The following HECTD4 variants were observed in gnomAD, a reference collection of about 807,000 sequenced individuals.
HECTD4 encodes HECT domain E3 ubiquitin protein ligase 4, also known as probable E3 ubiquitin-protein ligase HECTD4.
In HECTD4, 114 loss-of-function variants were observed where a neutral mutation model predicts 471.5. The observed-to-expected ratio is 0.24, with a 90% CI of 0.21 to 0.28. The LOEUF (loss-of-function observed/expected upper bound fraction) is 0.28. Ranked by LOEUF, HECTD4 falls within the 10% of genes least tolerant of loss-of-function variation. The pLI, the probability that HECTD4 is intolerant of heterozygous loss-of-function variation, is 1.00. For missense variants in HECTD4, 3,866 were observed against 5,651.5 expected, an observed-to-expected ratio of 0.68 and a Z score of 10.13; for synonymous variants, 2,012 against 2,256.0, an observed-to-expected ratio of 0.89 and a Z score of 3.07.
chr12:112,163,523 C>T lies in HECTD4; in HGVS notation c.12897+19G>A, dbSNP rs2030789416. On this transcript the variant is annotated intron_variant, in intron 74 of 75. Coordinates refer to ENST00000682272, the MANE Select transcript of HECTD4 (RefSeq NM_001388303.1). This position sits in a 1 kb window ranked among gnomAD's most constrained non-coding sequence, Gnocchi z 8.2. ...GGGGCTCACCACCTCCCCGCCCAGC[C>T]TGGCCCTGGGATGTCTACCTTGAGG... is the stretch of plus-strand genomic sequence containing the variant. 34 of 1,451,438 alleles carry T rather than the reference C, an allele frequency of 2.3e-5. No individual in the cohort carries two copies. The highest frequency in any genetic ancestry group is 3.1e-5 in the Non-Finnish European group (34 of 1,098,504). The allele number at this position is 1,451,438 out of a possible 1,614,324, so 89.9% of individuals were successfully genotyped here.
At chr12:112,267,523 G>C (rs578200430) in intron 13 of HECTD4, 1 of 154,076 alleles carries the variant, frequency 6.5e-6, no homozygotes, top group African/African-American at 2.4e-5. Flanking sequence ...TCACTGTCAC[G>C]ATCCAGTCCA....
At chr12:112,236,195 CA>C (rs2033499325) in intron 35 of HECTD4, among the ~76,000 whole-genome samples, 1 of 152,160 alleles carries the variant, frequency 6.6e-6, no homozygotes, top group African/African-American at 2.4e-5. Flanking sequence ...CCATGAGTTA[CA>C]GAAGCTTATC....
At chr12:112,224,421 C>T (rs902951192) in intron 44 of HECTD4, among the ~76,000 whole-genome samples, 1 of 152,032 alleles carries the variant, frequency 6.6e-6, no homozygotes, top group African/African-American at 2.4e-5. Context: ...TGCCCGCCAC[C>T]ACGCCTGGCT....
intron 55 of HECTD4, among the ~76,000 whole-genome samples, chr12:112,196,117 G>A (rs1374381787): frequency 6.6e-6 from 1 of 152,214 alleles, no homozygotes; most frequent in African/African-American, 2.4e-5. Flanking sequence ...TCCAGCCTGG[G>A]TGACAGAGCA....
At position 112,212,579 on chromosome 12, in the gene HECTD4, G is replaced by T. The variant is rs117505183; in HGVS notation, c.7537C>A (p.Arg2513=). 9.6e-4 allele frequency: 1,554 copies of T among 1,613,750 alleles called. 27 individuals are homozygous for T. The East Asian group carries it at 0.03, about 31-fold the overall frequency. Residue 2513 remains arginine (R), a synonymous_variant, in exon 49 of 76, where the codon CGG becomes AGG. Coordinates refer to ENST00000682272, the MANE Select transcript of HECTD4 (RefSeq NM_001388303.1). ...TGCCCGCAGTATGTGAAGTACACCC[G>T]GCCCTTGGCTGGCTGTCCCGGAGGA... ...PPPPGQPAKG[R]VYFTYCGQRL...
In HECTD4 at chr12:112,295,134, G is replaced by A. The variant is rs1289063831; in HGVS notation, c.1335+10930C>T. Among the ~76,000 whole-genome samples, 4 of 121,548 alleles carry A rather than the reference G, an allele frequency of 3.3e-5. No individual in the cohort carries two copies. In the South Asian group the frequency reaches 1.2e-3, roughly 37 times the overall value. The allele number at this position is 121,548 out of a possible 152,430, so 79.7% of individuals were successfully genotyped here. On this transcript the variant is annotated intron_variant, in intron 7 of 75. Transcript: ENST00000682272. Reference sequence around the variant, plus strand: ...AGCCGAGGCAACATAGCGAAATCCCGTCTGAAAAAAAAAAAGAGAGAGAAA... The same window carrying A: ...AGCCGAGGCAACATAGCGAAATCCCATCTGAAAAAAAAAAAGAGAGAGAAA...
chr12:112,233,214 CTTTTTTTTT>C (rs546999938), intron 37 of HECTD4, 129 bp from the exon 38 acceptor site: 14 of 235,704 alleles, frequency 5.9e-5, no homozygotes, highest in South Asian at 1.4e-4. Flanking sequence ...CTAACATTAG[CTTTTTTTTT>C]TTTTTTTTTT....
chr12:112,381,913 G>A lies in HECTD4; in HGVS notation c.177+39C>T. ...CGACCCGGGGGTGCCGGGCGAGTGG[G>A]TCAGTCCGATGGCGGGGGCCGGGGG... On this transcript the variant is annotated intron_variant, in intron 1 of 75. Coordinates refer to ENST00000682272, the MANE Select transcript of HECTD4 (RefSeq NM_001388303.1). This position sits in a 1 kb window ranked among gnomAD's most constrained non-coding sequence, Gnocchi z 4.1. 8.2e-7 allele frequency: 1 copy of A among 1,213,412 alleles called. No individual in the cohort carries two copies. The highest frequency in any genetic ancestry group is 1.0e-6 in the Non-Finnish European group (1 of 974,168). The allele number at this position is 1,213,412 out of a possible 1,614,324, so 75.2% of individuals were successfully genotyped here.
chr12:112,351,441 T>C (rs1025182085), intron 1 of HECTD4, among the ~76,000 whole-genome samples: 6 of 152,210 alleles, frequency 3.9e-5, no homozygotes, highest in African/African-American at 1.4e-4. Flanking sequence ...CATAACAGCA[T>C]GGAGATCTTC....
At chr12:112,266,114 T>C in intron 14 of HECTD4, 131 bp from the exon 15 acceptor site, 1 of 625,232 alleles carries the variant, frequency 1.6e-6, no homozygotes, top group Non-Finnish European at 2.8e-6. Flanking sequence ...CTTATACAAA[T>C]AAGAGTGGCA....
chr12:112,380,493 T>C (rs1465887300), intron 1 of HECTD4, among the ~76,000 whole-genome samples: 2 of 152,096 alleles, frequency 1.3e-5, no homozygotes, highest in Non-Finnish European at 2.9e-5. Context: ...ACTTTCCACC[T>C]TTCACACACA....
chr12:112,382,063 C>A lies in HECTD4; in HGVS notation c.66G>T (p.Ser22=). 8.2e-7 allele frequency: 1 copy of A among 1,226,556 alleles called. No individual in the cohort carries two copies. The allele number at this position is 1,226,556 out of a possible 1,614,324, so 76.0% of individuals were successfully genotyped here. A position where few individuals can be genotyped will look rare whatever the true frequency, so the allele number is the denominator to read the frequency against. ...GCAGGAAGATGGTCTCTTCCTTCAC[C>A]GAGAGCCACTGCGCCGAGTCAGCGG... ...AAAADSAQWL[S]VKEETIFLHD... The change falls in exon 1 of 76, where the codon TCG becomes TCT. Residue 22 remains serine, a synonymous_variant. Transcript: ENST00000682272.
At chr12:112,222,436 G>C (rs1056470746) in intron 44 of HECTD4, among the ~76,000 whole-genome samples, 1 of 152,196 alleles carries the variant, frequency 6.6e-6, no homozygotes, top group Non-Finnish European at 1.5e-5. Context: ...GGAGGTTGAA[G>C]TGGGCGGATC....
chr12:112,178,809 A>G (rs1440231479), intron 64 of HECTD4, 122 bp downstream of exon 64: 1 of 1,159,642 alleles, frequency 8.6e-7, no homozygotes, highest in Non-Finnish European at 1.2e-6. Context: ...GCGACAAAGC[A>G]TGACAAAAAA....
At chr12:112,275,842 T>C (rs749308892) in intron 9 of HECTD4, among the ~76,000 whole-genome samples, 7 of 152,176 alleles carry the variant, frequency 4.6e-5, no homozygotes, top group African/African-American at 1.7e-4. Context: ...CAGTGGAAAA[T>C]AGACCTCCAA....
At chr12:112,214,667 G>A (rs1442904231) in intron 48 of HECTD4, among the ~76,000 whole-genome samples, 2 of 152,134 alleles carry the variant, frequency 1.3e-5, no homozygotes, top group Non-Finnish European at 2.9e-5. Context: ...ACAGCAACAA[G>A]GAAATAAAAA....
intron 10 of HECTD4, among the ~76,000 whole-genome samples, chr12:112,274,579 C>T (rs1266261601): frequency 6.6e-6 from 1 of 152,074 alleles, no homozygotes; most frequent in Non-Finnish European, 1.5e-5. Flanking sequence ...TGGTGGTGTG[C>T]TCCTGTAGTC....
At chr12:112,253,756 G>A (rs1261090041) in intron 22 of HECTD4, among the ~76,000 whole-genome samples, 2 of 152,192 alleles carry the variant, frequency 1.3e-5, no homozygotes, top group Non-Finnish European at 2.9e-5. Flanking sequence ...GGAGAACTAA[G>A]CTGGAAGATC....
intron 1 of HECTD4, among the ~76,000 whole-genome samples, chr12:112,324,082 C>CT (rs1198055808): frequency 2.7e-5 from 2 of 73,034 alleles, no homozygotes; most frequent in Admixed American, 1.8e-4. Flanking sequence ...TTCTTTCTTT[C>CT]TTTCTTTCTT....
Sources: allele counts gnomAD v4.1 joint callset (sites outside exome capture counted in the v4.1 genomes callset), GRCh38; gene constraint gnomAD v4.1.1; non-coding constraint Gnocchi (gnomAD v3.1); transcripts MANE v1.5; gene names NCBI Gene and HGNC (gene_info 2026-07-23, HGNC 2026-07-21).